The following FARP2 variants were observed in gnomAD, a reference collection of about 807,000 sequenced individuals.
FARP2 encodes FERM, ARH/RhoGEF and pleckstrin domain protein 2.
In FARP2, 111 loss-of-function variants were observed where a neutral mutation model predicts 130.5. The ratio of observed to expected loss-of-function variants is 0.85; its 90% CI spans 0.73 to 1.00. FARP2 has a LOEUF of 1.00. Ranked by LOEUF, FARP2 falls within the 50% of genes least tolerant of loss-of-function variation. FARP2 has a pLI of 0.00. For missense variants in FARP2, 1,385 were observed against 1,346.3 expected (o/e 1.03, Z -0.45); for synonymous variants, 504 against 516.9 (o/e 0.98, Z 0.34).
chr2:241,492,177 CTT>C (rs1233618716), intron 24 of FARP2, among the ~76,000 whole-genome samples: 6 of 152,314 alleles, frequency 3.9e-5, no homozygotes, highest in South Asian at 2.1e-4. Context: ...ACCCAGAGCT[CTT>C]GTCTTTTTTG....
intron 21 of FARP2, 71 bp downstream of exon 21, chr2:241,484,402 C>A: frequency 7.9e-7 from 1 of 1,268,858 alleles, no homozygotes; most frequent in Non-Finnish European, 1.1e-6. Context: ...CTCTCTCCTG[C>A]AGAGGCGAAT....
chr2:241,381,493 C>T (rs1259281460), intron 2 of FARP2, among the ~76,000 whole-genome samples: 1 of 152,122 alleles, frequency 6.6e-6, no homozygotes, highest in African/African-American at 2.4e-5. Flanking sequence ...CATTTCTCCC[C>T]TTCTGTTCAT....
At chr2:241,478,455 G>A (rs992866658) in intron 19 of FARP2, 2 of 266,948 alleles carry the variant, frequency 7.5e-6, no homozygotes, top group South Asian at 4.1e-5. Context: ...AACATTGGTG[G>A]CACCTACTTT....
At chr2:241,421,002 C>T (rs2062791845) in intron 8 of FARP2, among the ~76,000 whole-genome samples, 2 of 152,168 alleles carry the variant, frequency 1.3e-5, no homozygotes, top group African/African-American at 4.8e-5. Context: ...ACTAACTAGG[C>T]GAACAACTCA....
At position 241,479,147 on chromosome 2, in the gene FARP2, G is replaced by A. The variant is rs886672018; in HGVS notation, c.2262+3160G>A. On this transcript the variant is annotated intron_variant, in intron 19 of 26. Coordinates refer to ENST00000264042, the MANE Select transcript of FARP2 (RefSeq NM_014808.4). The stretch of plus-strand genomic sequence containing the variant: ...ATCCTTTTGTGCTTCTGAGGTGGGT[G>A]GTGAGAGACAGGTCCAGCTGTCCAA... 3.9e-5 allele frequency among the ~76,000 whole-genome samples: 6 copies of A among 152,198 alleles called. No homozygotes were observed. The South Asian group carries it at 1.2e-3, about 31-fold the overall frequency.
intron 8 of FARP2, among the ~76,000 whole-genome samples, chr2:241,424,469 G>C (rs974285327): frequency 6.6e-6 from 1 of 152,136 alleles, no homozygotes; most frequent in African/African-American, 2.4e-5. Flanking sequence ...ATTGTTAAGA[G>C]GGAAATTTAT....
chr2:241,412,790 G>A (rs1265010525), intron 6 of FARP2, among the ~76,000 whole-genome samples: 1 of 152,220 alleles, frequency 6.6e-6, no homozygotes, highest in Non-Finnish European at 1.5e-5. Flanking sequence ...ACATTTGGGA[G>A]GCCAAGGCAG....
chr2:241,468,485 C>T (rs553443105), intron 18 of FARP2, 108 bp downstream of exon 18: 70 of 793,660 alleles, frequency 8.8e-5, no homozygotes, highest in Admixed American at 2.0e-4. Flanking sequence ...CGCAGGAGTC[C>T]ACCCCATTAG....
chr2:241,412,042 G>T (rs2062532484), intron 6 of FARP2, among the ~76,000 whole-genome samples: 1 of 152,218 alleles, frequency 6.6e-6, no homozygotes, highest in African/African-American at 2.4e-5. Context: ...TAATTGGGCA[G>T]TTGGTAAAAT....
intron 21 of FARP2, among the ~76,000 whole-genome samples, chr2:241,484,891 A>C (rs949276040): frequency 2.6e-5 from 4 of 152,152 alleles, no homozygotes; most frequent in Non-Finnish European, 4.4e-5. Flanking sequence ...GTGTCCCTGC[A>C]CTAGGCCTAG....
At chr2:241,466,152 C>A (rs1235043238) in intron 17 of FARP2, 1 of 1,069,918 alleles carries the variant, frequency 9.3e-7, no homozygotes, top group Non-Finnish European at 1.1e-6. Context: ...TGTCAGAGGC[C>A]AAGACCCCAG....
Position 241,404,817 on chromosome 2 carries a change from A to G in FARP2, c.307A>G (p.Lys103Glu), listed in dbSNP as rs952995709. ...QSYWIWLEPM[K>E]PIIRQIRRPK... ...TCTTTAGATTTGGCTTGAACCTATGAAACCCATCATTAGGCAAATACGAAG... is the reference window on the plus strand; with the variant it reads ...TCTTTAGATTTGGCTTGAACCTATGGAACCCATCATTAGGCAAATACGAAG... The change falls in exon 4 of 27, where the codon AAA (lysine) becomes GAA (glutamate). Residue 103 changes from lysine (K) to glutamate (E), a missense_variant. Transcript: ENST00000264042. 3.7e-6 allele frequency: 6 copies of G among 1,610,088 alleles called. No individual in the cohort carries two copies. Among genetic ancestry groups the G allele is most frequent in the Admixed American group, 1.7e-5 (1 of 60,008 alleles).
chr2:241,457,256 A>T (rs940573218), intron 14 of FARP2, among the ~76,000 whole-genome samples: 1 of 151,264 alleles, frequency 6.6e-6, no homozygotes, highest in African/African-American at 2.4e-5. Flanking sequence ...CTTCCTTCCC[A>T]CCTTCCTCAT....
At chr2:241,420,621 T>C (rs2062781726) in intron 8 of FARP2, among the ~76,000 whole-genome samples, 1 of 152,160 alleles carries the variant, frequency 6.6e-6, no homozygotes, top group African/African-American at 2.4e-5. Flanking sequence ...CAAATTAAAA[T>C]ACAGGCTGCC....
intron 4 of FARP2, 149 bp from the exon 5 acceptor site, chr2:241,407,388 G>C: frequency 1.6e-6 from 1 of 622,848 alleles, no homozygotes; most frequent in Non-Finnish European, 2.8e-6. Context: ...CACCACACCT[G>C]GGCAGAAATT....
chr2:241,370,566 C>A (rs1197454760), intron 1 of FARP2, among the ~76,000 whole-genome samples: 1 of 152,012 alleles, frequency 6.6e-6, no homozygotes, highest in African/African-American at 2.4e-5. Flanking sequence ...GAAAAAAAAT[C>A]ACATACCCCA....
chr2:241,492,711 A>AACTC (rs2064969883), intron 24 of FARP2: 1 of 524,662 alleles, frequency 1.9e-6, no homozygotes, highest in African/African-American at 1.9e-5. Flanking sequence ...AGGGAAAGGG[A>AACTC]ACTCACTTTA....
chr2:241,404,348 G>A (rs894136616), intron 3 of FARP2, among the ~76,000 whole-genome samples: 9 of 152,252 alleles, frequency 5.9e-5, no homozygotes, highest in Middle Eastern at 3.4e-3. Context: ...GCATGTCAGC[G>A]TTATTAAGTT....
intron 4 of FARP2, among the ~76,000 whole-genome samples, chr2:241,407,274 T>G (rs1213163205): frequency 6.6e-6 from 1 of 152,198 alleles, no homozygotes; most frequent in Non-Finnish European, 1.5e-5. Context: ...CTGCCCAGGC[T>G]GGAGTGCAGT....
Sources: allele counts gnomAD v4.1 joint callset (sites outside exome capture counted in the v4.1 genomes callset), GRCh38; gene constraint gnomAD v4.1.1; transcripts MANE v1.5; gene names NCBI Gene and HGNC (gene_info 2026-07-23, HGNC 2026-07-21).